The following LRCH3 variants were observed in gnomAD, a reference collection of about 807,000 sequenced individuals.
The protein encoded by LRCH3 is DISP complex protein LRCH3.
A neutral mutation model predicts 104.5 loss-of-function variants in LRCH3; 68 were observed. The observed-to-expected ratio is 0.65, with a 90% CI of 0.54 to 0.80. The LOEUF is 0.80. Among genes scored for constraint, LRCH3 ranks in the 30% least tolerant of loss-of-function variants. The pLI, the probability that LRCH3 is intolerant of heterozygous loss-of-function variation, is 0.00. For missense variants in LRCH3, 951 were observed against 953.9 expected, an observed-to-expected ratio of 1.00 and a Z score of 0.04; for synonymous variants, 344 against 361.3, an observed-to-expected ratio of 0.95 and a Z score of 0.54.
chr3:197,835,016 C>A (rs891777305), intron 8 of LRCH3, among the ~76,000 whole-genome samples: 6 of 152,090 alleles, frequency 3.9e-5, no homozygotes, highest in Admixed American at 3.3e-4. Context: ...TGGTGGTGCA[C>A]ACCTGTAATC....
intron 1 of LRCH3, among the ~76,000 whole-genome samples, chr3:197,799,219 A>G (rs935769238): frequency 5.9e-5 from 9 of 152,166 alleles, no homozygotes; most frequent in Non-Finnish European, 8.8e-5. Context: ...TCATGTTAGA[A>G]CATCAAGTAT....
At chr3:197,852,283 G>T (rs925925667) in intron 12 of LRCH3, 3 of 324,068 alleles carry the variant, frequency 9.3e-6, no homozygotes, top group African/African-American at 4.2e-5. Context: ...TCTAGCTAAG[G>T]TTATTAGCAT....
At position 197,862,021 on chromosome 3, in the gene LRCH3, C is replaced by A. The variant is rs192169645; in HGVS notation, c.1716+3116C>A. On this transcript the variant is annotated intron_variant, in intron 15 of 20. Transcript: ENST00000425562. The stretch of plus-strand genomic sequence containing the variant: ...CTTTTTTGTTTTCCTTTGAGACGGA[C>A]TCTTGCTCTGTCGCTCAGGCTGGAG... 3.7e-3 allele frequency among the ~76,000 whole-genome samples: 558 copies of A among 152,242 alleles called. 1 individual carries two copies. Among genetic ancestry groups the A allele is most frequent in the South Asian group, 0.017 (81 of 4,826 alleles).
intron 4 of LRCH3, among the ~76,000 whole-genome samples, chr3:197,822,433 G>A (rs1015153827): frequency 1.3e-5 from 2 of 152,050 alleles, no homozygotes; most frequent in Admixed American, 6.6e-5. Context: ...AGAATATTAG[G>A]GTTTTAATCA....
intron 1 of LRCH3, among the ~76,000 whole-genome samples, chr3:197,811,758 G>A (rs1263032149): frequency 4.6e-5 from 7 of 152,206 alleles, no homozygotes; most frequent in Non-Finnish European, 4.4e-5. Context: ...CCCTGGCAGA[G>A]AGAAATGGGG....
At chr3:197,811,661 TCC>T (rs1733138187) in intron 1 of LRCH3, among the ~76,000 whole-genome samples, 1 of 152,238 alleles carries the variant, frequency 6.6e-6, no homozygotes, top group Admixed American at 6.5e-5. Context: ...ACCTTGGTTT[TCC>T]TGGCTTAGTT....
At chr3:197,850,483 G>A (rs1283307622) in intron 12 of LRCH3, 10 of 1,591,258 alleles carry the variant, frequency 6.3e-6, no homozygotes, top group Non-Finnish European at 7.7e-6. Flanking sequence ...TCTGGTTTAG[G>A]AACAATCTGT....
chr3:197,809,341 A>C (rs904447870), intron 1 of LRCH3, among the ~76,000 whole-genome samples: 10 of 151,998 alleles, frequency 6.6e-5, no homozygotes, highest in African/African-American at 2.4e-4. Context: ...CGTTTTCAGA[A>C]GTTTGGCTAT....
At position 197,847,601 on chromosome 3, in the gene LRCH3, G is replaced by A. The variant is rs189947101; in HGVS notation, c.1380+141G>A. The A allele has an allele frequency of 3.1e-4, 219 of 710,614 alleles. No individual in the cohort carries two copies. The East Asian group carries it at 4.9e-3, about 16-fold the overall frequency. 44.0% of individuals were successfully genotyped at this position (710,614 alleles called of 1,614,324 possible). ...CAATCGATTAATATAACATATGTAC[G>A]TGATACTTGCTAACAGTGTTTTTAG... On this transcript the variant is annotated intron_variant, in intron 11 of 20. Transcript: ENST00000425562.
In LRCH3 at chr3:197,835,769, A is replaced by G. The variant is rs1580723274; in HGVS notation, c.1198A>G (p.Ser400Gly). ...VRQPKGPDPD[S>G]LSSQFMAYIE... ...ACAGCCCAAGGGACCAGACCCAGAC[A>G]GCCTTAGTTCACAGTTTATGGCGTA... is the stretch of plus-strand genomic sequence containing the variant. Residue 400 changes from serine (S) to glycine (G), a missense_variant, in exon 9 of 21, where the codon AGC (serine) becomes GGC (glycine). By Grantham distance (56) the Ser-to-Gly change is moderately conservative (BLOSUM62 0). Transcript: ENST00000425562. 6.2e-7 allele frequency: 1 copy of G among 1,614,144 alleles called. No homozygotes were observed.
At chr3:197,840,444 G>C (rs1737634576) in intron 10 of LRCH3, among the ~76,000 whole-genome samples, 1 of 147,680 alleles carries the variant, frequency 6.8e-6, no homozygotes, top group Admixed American at 7.0e-5. Flanking sequence ...GTGACAGACT[G>C]AGACTCCATC....
intron 4 of LRCH3, 47 bp from the exon 5 acceptor site, chr3:197,826,831 G>A (rs1376288553): frequency 6.2e-6 from 10 of 1,610,184 alleles, no homozygotes; most frequent in East Asian, 4.5e-5. Context: ...AAATTCTCTA[G>A]TTGTAAAACA....
chr3:197,847,568 A>G, intron 11 of LRCH3, 108 bp downstream of exon 11: 2 of 875,376 alleles, frequency 2.3e-6, no homozygotes, highest in Non-Finnish European at 3.5e-6. Flanking sequence ...AAGCATTACT[A>G]GCTGTCTCAA....
At chr3:197,795,686 GTTTTTTTTTTT>G (rs1167369678) in intron 1 of LRCH3, among the ~76,000 whole-genome samples, 9 of 65,818 alleles carry the variant, frequency 1.4e-4, no homozygotes, top group Non-Finnish European at 1.9e-4. Context: ...AAAAGTTGTT[GTTTTTTTTTTT>G]TTTTTTTTTT....
rs188794987 is a variant in LRCH3, at chr3:197,866,244, C to G, written c.1873+25C>G. On this transcript the variant is annotated intron_variant, in intron 17 of 20. Coordinates refer to ENST00000425562, the MANE Select transcript of LRCH3 (RefSeq NM_001365715.1). Reference sequence around the variant, plus strand: ...GGTAGGTGGTGGTGATTTTAAAAGCCAGGAGCGAGGGGAGGTTTACACAAC... The same window carrying G: ...GGTAGGTGGTGGTGATTTTAAAAGCGAGGAGCGAGGGGAGGTTTACACAAC... 3.7e-4 allele frequency: 572 copies of G among 1,565,012 alleles called. No individual in the cohort carries two copies. In the African/African-American group the frequency reaches 6.9e-3, roughly 19 times the overall value.
intron 2 of LRCH3, among the ~76,000 whole-genome samples, chr3:197,816,713 A>G (rs1380147552): frequency 6.6e-6 from 1 of 152,118 alleles, no homozygotes; most frequent in Non-Finnish European, 1.5e-5. Flanking sequence ...ACAGAGCTAC[A>G]TTTTCACCAT....
intron 15 of LRCH3, among the ~76,000 whole-genome samples, chr3:197,863,070 A>C (rs922106574): frequency 1.3e-5 from 2 of 152,160 alleles, no homozygotes; most frequent in African/African-American, 2.4e-5. Context: ...GCGATGTAAG[A>C]GTTCTGAAAA....
chr3:197,835,537 T>C lies in LRCH3; in HGVS notation c.1103-137T>C, dbSNP rs1465907871. On this transcript the variant is annotated intron_variant, in intron 8 of 20. Coordinates refer to ENST00000425562, the MANE Select transcript of LRCH3 (RefSeq NM_001365715.1). ...AAAAAAAGACTTAAGTAATTTAAAG[T>C]TTTTATCATCCCTCCCACTTTCAAA... The C allele has an allele frequency of 2.3e-6, 3 of 1,306,376 alleles. No individual in the cohort carries two copies. In the East Asian group the frequency reaches 8.2e-5, roughly 36 times the overall value. The allele number at this position is 1,306,376 out of a possible 1,614,324, so 80.9% of individuals were successfully genotyped here.
At chr3:197,820,518 G>C in intron 4 of LRCH3, 88 bp downstream of exon 4, 1 of 894,406 alleles carries the variant, frequency 1.1e-6, no homozygotes. Flanking sequence ...AATGTATAAG[G>C]GTTACATCTA....
Sources: gnomAD v4.1 joint callset for allele counts (sites outside exome capture counted in the v4.1 genomes callset) on GRCh38, gnomAD v4.1.1 for gene constraint, MANE v1.5 for transcripts, NCBI Gene and HGNC (gene_info 2026-07-23, HGNC 2026-07-21) for gene names.